Variants in GMDS observed in about 807,000 individuals in gnomAD.
GMDS encodes GDP-mannose 4,6 dehydratase.
A neutral mutation model predicts 49.9 loss-of-function variants in GMDS; 20 were observed. The observed-to-expected ratio is 0.40, with a 90% CI of 0.28 to 0.58. GMDS has a LOEUF of 0.58. GMDS is among the 20% of genes least tolerant of loss of function. GMDS has a pLI of 0.42. For missense variants in GMDS, 362 were observed against 481.4 expected, an observed-to-expected ratio of 0.75 and a Z score of 2.32; for synonymous variants, 177 against 178.6, an observed-to-expected ratio of 0.99 and a Z score of 0.07.
chr6:1,825,058 G>A (rs1465638125), intron 7 of GMDS, among the ~76,000 whole-genome samples: 1 of 152,182 alleles, frequency 6.6e-6, no homozygotes, highest in East Asian at 1.9e-4. Flanking sequence ...AGGTCAAGGA[G>A]GCAAAAGGGT....
intron 4 of GMDS, among the ~76,000 whole-genome samples, chr6:2,049,643 G>C (rs946602193): frequency 1.3e-5 from 2 of 152,234 alleles, no homozygotes; most frequent in South Asian, 2.1e-4. Flanking sequence ...GAATCACTAG[G>C]GTCCTTTTAA....
intron 4 of GMDS, among the ~76,000 whole-genome samples, chr6:2,045,841 A>G (rs1258933237): frequency 6.6e-6 from 1 of 152,194 alleles, no homozygotes; most frequent in Non-Finnish European, 1.5e-5. Context: ...AGTAATAACT[A>G]TAACACCACT....
chr6:1,976,421 A>G (rs571313665), intron 4 of GMDS, among the ~76,000 whole-genome samples: 1 of 152,342 alleles, frequency 6.6e-6, no homozygotes, highest in South Asian at 2.1e-4. Flanking sequence ...CATAACGGGA[A>G]CACAGCAATG....
intron 9 of GMDS, among the ~76,000 whole-genome samples, chr6:1,657,831 T>G (rs1305469751): frequency 8.2e-5 from 9 of 110,044 alleles, no homozygotes; most frequent in Admixed American, 7.8e-4. Flanking sequence ...TCCTAAAAGA[T>G]CCTTGTAACA....
intron 7 of GMDS, among the ~76,000 whole-genome samples, chr6:1,917,411 A>G (rs1340022299): frequency 6.6e-6 from 1 of 152,244 alleles, no homozygotes; most frequent in African/African-American, 2.4e-5. Flanking sequence ...GAAAATGACA[A>G]AAAACAATCC....
chr6:2,114,972 C>A (rs539999102), intron 4 of GMDS, among the ~76,000 whole-genome samples: 348 of 151,102 alleles, frequency 2.3e-3, no homozygotes, highest in African/African-American at 6.2e-3. Context: ...AACAAACAAA[C>A]AAAAAAAAAC....
chr6:1,842,614 C>A (rs957366630), intron 7 of GMDS, among the ~76,000 whole-genome samples: 1 of 152,162 alleles, frequency 6.6e-6, no homozygotes, highest in African/African-American at 2.4e-5. Context: ...CTGTATTAGC[C>A]AACTGCAAAT....
At chr6:2,173,331 G>A (rs546682055) in intron 1 of GMDS, among the ~76,000 whole-genome samples, 1 of 152,284 alleles carries the variant, frequency 6.6e-6, no homozygotes, top group South Asian at 2.1e-4. Context: ...AGGAGTTAAA[G>A]TACAAATCCA....
chr6:1,642,243 T>C (rs1226398063), intron 9 of GMDS, among the ~76,000 whole-genome samples: 2 of 146,838 alleles, frequency 1.4e-5, no homozygotes, highest in Non-Finnish European at 3.0e-5. Context: ...CTCGGCTCAC[T>C]GCAACCTCCA....
intron 4 of GMDS, among the ~76,000 whole-genome samples, chr6:1,999,190 T>C (rs989212516): frequency 9.2e-5 from 14 of 151,780 alleles, no homozygotes; most frequent in Admixed American, 7.9e-4. Context: ...GGCGTGGTGG[T>C]GCATGCCTGT....
rs532568246 is a variant in GMDS at position 2,008,170 on chromosome 6, T to G, written c.346-47204A>C. ...TATAAGTAGGTTAAAAATCATATCTTTCTCATCATTTGATTAAGAGTATCC... is the reference window on the plus strand; with the variant it reads ...TATAAGTAGGTTAAAAATCATATCTGTCTCATCATTTGATTAAGAGTATCC... On this transcript the variant is annotated intron_variant, in intron 4 of 10. Coordinates refer to ENST00000380815, the MANE Select transcript of GMDS (RefSeq NM_001500.4). Among the ~76,000 whole-genome samples the G allele has an allele frequency of 2.0e-5, 3 of 152,340 alleles. No individual in the cohort carries two copies. The South Asian group carries it at 6.2e-4, about 32-fold the overall frequency.
intron 1 of GMDS, among the ~76,000 whole-genome samples, chr6:2,225,752 T>TC (rs1229988219): frequency 2.6e-5 from 4 of 152,210 alleles, no homozygotes; most frequent in African/African-American, 9.6e-5. Context: ...AGGAAATGTT[T>TC]CCAGGTATTT....
intron 4 of GMDS, among the ~76,000 whole-genome samples, chr6:2,052,897 C>A (rs12202115): frequency 0.021 from 3,156 of 152,314 alleles, 48 homozygotes; most frequent in Non-Finnish European, 0.035. Flanking sequence ...TCTGTCTACA[C>A]TAACACTGCT....
At chr6:1,683,810 T>C (rs995224847) in intron 9 of GMDS, among the ~76,000 whole-genome samples, 1 of 152,194 alleles carries the variant, frequency 6.6e-6, no homozygotes, top group African/African-American at 2.4e-5. Flanking sequence ...ATTCAGGTAA[T>C]CACACTGCAC....
chr6:1,901,194 C>T (rs1006907215), intron 7 of GMDS, among the ~76,000 whole-genome samples: 2 of 152,336 alleles, frequency 1.3e-5, no homozygotes, highest in Non-Finnish European at 2.9e-5. Context: ...GGAGTCGCCA[C>T]ATGGTGCCCA....
At chr6:1,883,459 CATTG>C (rs1200274889) in intron 7 of GMDS, among the ~76,000 whole-genome samples, 9 of 152,068 alleles carry the variant, frequency 5.9e-5, no homozygotes, top group African/African-American at 1.7e-4. Flanking sequence ...CTTTTTTATA[CATTG>C]ATTAATGGAT....
chr6:1,939,873 A>T (rs1392460951), intron 6 of GMDS, among the ~76,000 whole-genome samples: 1 of 152,254 alleles, frequency 6.6e-6, no homozygotes, highest in Non-Finnish European at 1.5e-5. Context: ...TTTAAAAACA[A>T]AATGCAACCT....
intron 7 of GMDS, among the ~76,000 whole-genome samples, chr6:1,831,399 G>C (rs1756635611): frequency 6.6e-6 from 1 of 152,200 alleles, no homozygotes; most frequent in African/African-American, 2.4e-5. Context: ...GAAGCGTGAA[G>C]GGAAAATCTC....
intron 4 of GMDS, among the ~76,000 whole-genome samples, chr6:2,012,611 A>C (rs1215501343): frequency 6.6e-6 from 1 of 152,220 alleles, no homozygotes; most frequent in African/African-American, 2.4e-5. Context: ...GCAAACAACC[A>C]CATTAAAATT....
Sources: allele counts gnomAD v4.1 joint callset (sites outside exome capture counted in the v4.1 genomes callset), GRCh38; gene constraint gnomAD v4.1.1; transcripts MANE v1.5; gene names NCBI Gene and HGNC (gene_info 2026-07-23, HGNC 2026-07-21).